Variants in BRK1 observed in about 807,000 individuals in gnomAD.
The protein encoded by BRK1 is BRICK1 subunit of SCAR/WAVE actin nucleating complex, also known as protein BRICK1.
BRK1 carries 6 observed loss-of-function variants against 9.9 expected under a neutral mutation model. The ratio of observed to expected loss-of-function variants is 0.60; its 90% confidence interval spans 0.33 to 1.19. The LOEUF (loss-of-function observed/expected upper bound fraction) is 1.19, where lower values mean the gene tolerates loss of function less well. BRK1 is among the 50% of genes most tolerant of loss of function. The pLI, the probability that BRK1 is intolerant of heterozygous loss-of-function variation, is 0.04. For missense variants in BRK1, 62 were observed against 97.5 expected, an observed-to-expected ratio of 0.64 and a Z score of 1.53; for synonymous variants, 44 against 31.9, an observed-to-expected ratio of 1.38 and a Z score of -1.28.
chr3:10,120,485 G>A (rs752923536), intron 1 of BRK1, among the ~76,000 whole-genome samples: 3 of 152,112 alleles, frequency 2.0e-5, no homozygotes, highest in Non-Finnish European at 2.9e-5. Context: ...GTGAACCACC[G>A]TGCCCGGCCT....
At chr3:10,120,777 A>G (rs1297369678) in intron 1 of BRK1, among the ~76,000 whole-genome samples, 1 of 152,204 alleles carries the variant, frequency 6.6e-6, no homozygotes, top group Non-Finnish European at 1.5e-5. Context: ...CATGTAGGCC[A>G]GGAGCATAGT....
rs192319479 is a variant in BRK1, at chr3:10,125,066, C to A, written c.119-560C>A. ...AATCATACCTGCAAAGCCCTGTTTCCTCATGTATAATCCATATTCACAGGA... is the reference window on the plus strand; with the variant it reads ...AATCATACCTGCAAAGCCCTGTTTCATCATGTATAATCCATATTCACAGGA... On this transcript the variant is annotated intron_variant, in intron 1 of 2. Coordinates refer to ENST00000530758, the MANE Select transcript of BRK1 (RefSeq NM_018462.5). Among the ~76,000 whole-genome samples the A allele has an allele frequency of 1.9e-3, 293 of 152,190 alleles. 3 individuals are homozygous for A. The highest frequency in any genetic ancestry group is 6.9e-3 in the African/African-American group (287 of 41,536).
chr3:10,119,848 TG>T (rs1695733719), intron 1 of BRK1, among the ~76,000 whole-genome samples: 1 of 152,298 alleles, frequency 6.6e-6, no homozygotes, highest in Admixed American at 6.5e-5. Flanking sequence ...ATAGAGAATG[TG>T]GCTGTTTTTT....
intron 1 of BRK1, among the ~76,000 whole-genome samples, chr3:10,118,636 T>C (rs1362427398): frequency 6.6e-6 from 1 of 151,962 alleles, no homozygotes; most frequent in African/African-American, 2.4e-5. Context: ...TACAGGTGTG[T>C]GCCACCATGC....
intron 1 of BRK1, among the ~76,000 whole-genome samples, chr3:10,119,660 G>A (rs1297668427): frequency 2.0e-5 from 3 of 152,122 alleles, no homozygotes; most frequent in South Asian, 2.1e-4. Context: ...AGTCTCCCAC[G>A]TGAACTTGAG....
intron 1 of BRK1, among the ~76,000 whole-genome samples, chr3:10,116,124 G>A (rs1423313901): frequency 6.6e-6 from 1 of 152,132 alleles, no homozygotes; most frequent in Non-Finnish European, 1.5e-5. Context: ...CTTCTCCTAA[G>A]TGGTCTCCCT....
chr3:10,125,506 A>G, intron 1 of BRK1, 120 bp from the exon 2 acceptor site: 1 of 640,138 alleles, frequency 1.6e-6, no homozygotes, highest in Non-Finnish European at 2.8e-6. Context: ...GGATCTTAGC[A>G]CTGTATCCAT....
chr3:10,120,369 A>G (rs1695741233), intron 1 of BRK1, among the ~76,000 whole-genome samples: 1 of 151,960 alleles, frequency 6.6e-6, no homozygotes, highest in Non-Finnish European at 1.5e-5. Context: ...TACTTTTTGT[A>G]TTAGTAGTAG....
chr3:10,122,398 G>A (rs1238388340), intron 1 of BRK1, among the ~76,000 whole-genome samples: 1 of 152,056 alleles, frequency 6.6e-6, no homozygotes, highest in Non-Finnish European at 1.5e-5. Flanking sequence ...CCAAGTACAT[G>A]AATAACTTAC....
intron 2 of BRK1, 70 bp from the exon 3 acceptor site, chr3:10,126,199 A>C: frequency 8.5e-7 from 1 of 1,182,752 alleles, no homozygotes; most frequent in Non-Finnish European, 1.2e-6. Flanking sequence ...CTAGGATCTA[A>C]AGATTTTTTT....
In BRK1 at chr3:10,126,908, C is replaced by T. The variant is rs2125119563; in HGVS notation, c.*613C>T. 1 of 152,816 alleles carries T rather than the reference C, an allele frequency of 6.5e-6. No homozygotes were observed. The highest frequency in any genetic ancestry group is 2.4e-5 in the African/African-American group (1 of 41,572). 9.5% of individuals were successfully genotyped at this position (152,816 alleles called of 1,614,324 possible). On this transcript the variant is annotated 3_prime_UTR_variant, in exon 3 of 3. Coordinates refer to ENST00000530758, the MANE Select transcript of BRK1 (RefSeq NM_018462.5). ...CCTCTCATATTTCCCTAATAAACTC[C>T]TCAACTTTTTATCTGACTGCTGTGA...
chr3:10,123,415 T>C (rs1695784947), intron 1 of BRK1, among the ~76,000 whole-genome samples: 1 of 151,554 alleles, frequency 6.6e-6, no homozygotes, highest in Non-Finnish European at 1.5e-5. Context: ...TTTCTGCTGC[T>C]TTCTTGGCCT....
intron 1 of BRK1, among the ~76,000 whole-genome samples, chr3:10,119,465 AAG>A (rs1038006679): frequency 2.0e-5 from 3 of 152,248 alleles, no homozygotes; most frequent in African/African-American, 7.2e-5. Context: ...CTCAAAGAAA[AAG>A]AATTTACTTT....
Position 10,125,152 on chromosome 3 carries a change from G to C in BRK1, c.119-474G>C, listed in dbSNP as rs149622522. Among the ~76,000 whole-genome samples, 27 of 152,128 alleles carry C rather than the reference G, an allele frequency of 1.8e-4. No homozygotes were observed. In the East Asian group the frequency reaches 5.2e-3, roughly 29 times the overall value. Reference sequence around the variant, plus strand: ...GAGTTTTGCTGTTTGACCCAGGCTGGAGTGAAGTGGCGAGATCTTGGCTCA... The same window carrying C: ...GAGTTTTGCTGTTTGACCCAGGCTGCAGTGAAGTGGCGAGATCTTGGCTCA... On this transcript the variant is annotated intron_variant, in intron 1 of 2. Transcript: ENST00000530758.
chr3:10,122,212 C>T (rs538140271), intron 1 of BRK1, among the ~76,000 whole-genome samples: 5 of 152,090 alleles, frequency 3.3e-5, no homozygotes, highest in Middle Eastern at 6.8e-3. Context: ...CATGAGCCAC[C>T]GCGCCTGGCC....
intron 1 of BRK1, among the ~76,000 whole-genome samples, chr3:10,116,405 C>G (rs1695685093): frequency 7.0e-6 from 1 of 142,668 alleles, no homozygotes; most frequent in Non-Finnish European, 1.5e-5. Context: ...TGGAAGTCCT[C>G]TCTGTATTGC....
chr3:10,122,240 G>A (rs780396489), intron 1 of BRK1, among the ~76,000 whole-genome samples: 12 of 151,930 alleles, frequency 7.9e-5, no homozygotes, highest in Non-Finnish European at 1.5e-4. Flanking sequence ...ACTTTCAATG[G>A]CTATTTTAAT....
intron 1 of BRK1, among the ~76,000 whole-genome samples, chr3:10,116,047 C>T (rs1695680588): frequency 6.6e-6 from 1 of 152,168 alleles, no homozygotes; most frequent in African/African-American, 2.4e-5. Flanking sequence ...TCCTGCCATC[C>T]CTCTGGATCC....
Position 10,124,375 on chromosome 3 carries a change from G to A in BRK1, c.119-1251G>A, listed in dbSNP as rs563407192. On this transcript the variant is annotated intron_variant, in intron 1 of 2. Coordinates refer to ENST00000530758, the MANE Select transcript of BRK1 (RefSeq NM_018462.5). ...CCTAGGAGGCTGAGGCAGGAGAATC[G>A]CTTGAACCCGGGAGGCAGAGGTGGC... Among the ~76,000 whole-genome samples the A allele has an allele frequency of 6.3e-4, 95 of 151,758 alleles. 1 individual carries two copies. The highest frequency in any genetic ancestry group is 2.9e-3 in the South Asian group (14 of 4,808).
Sources: gnomAD v4.1 joint callset for allele counts (sites outside exome capture counted in the v4.1 genomes callset) on GRCh38, gnomAD v4.1.1 for gene constraint, MANE v1.5 for transcripts, NCBI Gene and HGNC (gene_info 2026-07-23, HGNC 2026-07-21) for gene names.